The following TDRD12 variants were observed in gnomAD, a reference collection of about 807,000 sequenced individuals.
TDRD12 encodes tudor domain containing 12, also known as putative ATP-dependent RNA helicase TDRD12.
A neutral mutation model predicts 133.5 loss-of-function variants in TDRD12; 158 were observed. The ratio of observed to expected loss-of-function variants is 1.18; its 90% CI spans 1.04 to 1.35. The LOEUF is 1.35. TDRD12 is among the 40% of genes most tolerant of loss of function. The pLI, the probability that TDRD12 is intolerant of heterozygous loss-of-function variation, is 0.00. For synonymous variants in TDRD12, 460 were observed against 477.9 expected (o/e 0.96, Z 0.49); for missense variants, 1,443 against 1,321.3 (o/e 1.09, Z -1.43).
Position 32,811,089 on chromosome 19 carries a change from T to C in TDRD12, c.2838-121T>C, listed in dbSNP as rs146715471. 1.9e-3 allele frequency: 1,386 copies of C among 743,756 alleles called. 25 individuals are homozygous for C. In the East Asian group the frequency reaches 0.034, roughly 18 times the overall value. 46.1% of individuals were successfully genotyped at this position (743,756 alleles called of 1,614,324 possible). On this transcript the variant is annotated intron_variant, in intron 23 of 27. Coordinates refer to ENST00000444215, the Ensembl canonical transcript of TDRD12. Reference sequence around the variant, plus strand: ...GAAGGCCTTAGTTTTTTATTTCTAGTATAGAGTAAAATCATGGCGTTTTGG... The same window carrying C: ...GAAGGCCTTAGTTTTTTATTTCTAGCATAGAGTAAAATCATGGCGTTTTGG...
At chr19:32,796,418 C>T (rs923164733) in intron 14 of TDRD12, among the ~76,000 whole-genome samples, 1 of 152,056 alleles carries the variant, frequency 6.6e-6, no homozygotes, top group Non-Finnish European at 1.5e-5. Flanking sequence ...AACCCTGTCT[C>T]TACTAAAAAT....
chr19:32,802,785 A>G (rs766985285), exon 20 of TDRD12: 2 of 1,536,676 alleles, frequency 1.3e-6, no homozygotes, highest in South Asian at 2.4e-5. Context: ...TTTCACGCTG[A>G]ACAGGTTTGG....
chr19:32,801,856 G>C (rs917142961), exon 19 of TDRD12: 5 of 1,386,202 alleles, frequency 3.6e-6, no homozygotes, highest in Non-Finnish European at 4.9e-6. Context: ...TTAAGTTCTG[G>C]CTCTCAAATT....
exon 5 of TDRD12, chr19:32,748,503 T>A: frequency 6.4e-7 from 1 of 1,551,844 alleles, no homozygotes; most frequent in Non-Finnish European, 8.7e-7. Context: ...ACAATGCAGC[T>A]ATTCAGTACT....
intron 1 of TDRD12, among the ~76,000 whole-genome samples, chr19:32,726,073 T>G (rs1388982524): frequency 3.3e-5 from 5 of 152,092 alleles, no homozygotes; most frequent in Non-Finnish European, 7.4e-5. Flanking sequence ...TGGTATTAAA[T>G]ACATTCATAA....
intron 13 of TDRD12, among the ~76,000 whole-genome samples, chr19:32,791,822 T>C (rs2145666304): frequency 6.6e-6 from 1 of 152,140 alleles, no homozygotes; most frequent in Non-Finnish European, 1.5e-5. Flanking sequence ...CCTGCCTTTC[T>C]GCAGTGAGGT....
At chr19:32,746,754 C>T (rs991473782) in intron 4 of TDRD12, among the ~76,000 whole-genome samples, 24 of 47,966 alleles carry the variant, frequency 5.0e-4, no homozygotes, top group Non-Finnish European at 9.6e-4. Flanking sequence ...GTGAGAGAGA[C>T]GGGGAGAGAG....
intron 14 of TDRD12, among the ~76,000 whole-genome samples, chr19:32,797,159 T>G (rs1424218982): frequency 6.7e-6 from 1 of 149,498 alleles, no homozygotes; most frequent in African/African-American, 2.4e-5. Context: ...TTTTGTATTT[T>G]TAGTAGAGAT....
rs1445353920 is a variant in TDRD12, at chr19:32,751,171, T to A, written c.582+1302T>A. ...CCCAGTGTCCATGTGTTCTCATCAT[T>A]TAGCTGCCACTTATAAGCGAGAACA... On this transcript the variant is annotated intron_variant, in intron 6 of 27. Coordinates refer to ENST00000444215, the Ensembl canonical transcript of TDRD12. Among the ~76,000 whole-genome samples the A allele has an allele frequency of 2.0e-5, 3 of 147,592 alleles. No homozygotes were observed. In the East Asian group the frequency reaches 6.5e-4, roughly 32 times the overall value.
At chr19:32,791,617 C>T (rs893565857) in intron 13 of TDRD12, among the ~76,000 whole-genome samples, 1 of 152,138 alleles carries the variant, frequency 6.6e-6, no homozygotes, top group Non-Finnish European at 1.5e-5. Context: ...GTGGCTGCCT[C>T]TTCAGGGAAG....
chr19:32,720,126 G>C lies in TDRD12; in HGVS notation c.24+30G>C, dbSNP rs1599810512. 3.9e-6 allele frequency: 6 copies of C among 1,544,576 alleles called. No homozygotes were observed. In the East Asian group the frequency reaches 1.5e-4, roughly 38 times the overall value. ...GCGCCGCCAAGCCAGACCCACGCCA[G>C]ACCCACGCAGTCCCCCACCCCCACC... On this transcript the variant is annotated intron_variant, in intron 1 of 27. Transcript: ENST00000444215.
chr19:32,818,016 C>T, intron 26 of TDRD12, 73 bp from the exon 27 acceptor site: 1 of 701,598 alleles, frequency 1.4e-6, no homozygotes, highest in Non-Finnish European at 2.6e-6. Context: ...AAGCTCTGTC[C>T]TCTACTGTCC....
chr19:32,788,692 A>G (rs113991828), intron 11 of TDRD12, among the ~76,000 whole-genome samples: 2,055 of 152,078 alleles, frequency 0.014, 22 homozygotes, highest in Non-Finnish European at 0.021. Context: ...CTTTCCTTAG[A>G]TGTCATGCAG....
At chr19:32,724,312 A>G (rs1968788943) in intron 1 of TDRD12, among the ~76,000 whole-genome samples, 1 of 152,174 alleles carries the variant, frequency 6.6e-6, no homozygotes, top group Non-Finnish European at 1.5e-5. Context: ...GGTTTGCTGC[A>G]ACTATTAACC....
At chr19:32,736,956 A>C (rs1969243418) in intron 2 of TDRD12, among the ~76,000 whole-genome samples, 1 of 152,158 alleles carries the variant, frequency 6.6e-6, no homozygotes, top group South Asian at 2.1e-4. Flanking sequence ...TAGTACACCT[A>C]ACCTGCTGAC....
chr19:32,737,857 G>T (rs1969272072), intron 2 of TDRD12, among the ~76,000 whole-genome samples: 1 of 152,224 alleles, frequency 6.6e-6, no homozygotes, highest in Non-Finnish European at 1.5e-5. Flanking sequence ...GGGAGGCTGG[G>T]TGCGGTGGCT....
downstream of TDRD12, among the ~76,000 whole-genome samples, chr19:32,823,518 TGTGGCTG>T (rs1377355380): frequency 6.6e-6 from 1 of 152,136 alleles, no homozygotes; most frequent in Non-Finnish European, 1.5e-5. Context: ...TGGCCGTGAC[TGTGGCTG>T]GTGAGGTGAG....
chr19:32,740,718 T>C (rs1188225502), intron 3 of TDRD12, among the ~76,000 whole-genome samples: 2 of 152,140 alleles, frequency 1.3e-5, no homozygotes, highest in African/African-American at 4.8e-5. Context: ...AACGCCTCTC[T>C]CCACAGAAGG....
chr19:32,814,739 A>T (rs1349207951), intron 25 of TDRD12, among the ~76,000 whole-genome samples: 4 of 151,996 alleles, frequency 2.6e-5, no homozygotes, highest in Non-Finnish European at 5.9e-5. Flanking sequence ...AAACAGACCC[A>T]CCCTCACCAT....
Sources: gnomAD v4.1 joint callset for allele counts (sites outside exome capture counted in the v4.1 genomes callset) on GRCh38, gnomAD v4.1.1 for gene constraint, MANE v1.5 for transcripts, NCBI Gene and HGNC (gene_info 2026-07-23, HGNC 2026-07-21) for gene names.